RUNDC3B: variants seen among roughly 807,000 people sequenced by gnomAD.
RUNDC3B encodes the protein RUN domain containing 3B.
Under a neutral mutation model 58.4 loss-of-function variants are expected in RUNDC3B, and 33 were observed. The ratio of observed to expected loss-of-function variants is 0.56; its 90% CI spans 0.43 to 0.75. The LOEUF is 0.75. RUNDC3B is among the 30% of genes least tolerant of loss of function. The probability of loss-of-function intolerance (pLI) is 0.00; values close to 1 mark genes in which losing one functional copy is unlikely to be tolerated. For missense variants in RUNDC3B, 501 were observed against 535.7 expected (o/e 0.94, Z 0.64); for synonymous variants, 193 against 195.2 (o/e 0.99, Z 0.10).
chr7:87,811,194 C>T (rs1208611658), intron 9 of RUNDC3B, among the ~76,000 whole-genome samples: 3 of 151,896 alleles, frequency 2.0e-5, no homozygotes, highest in Non-Finnish European at 4.4e-5. Context: ...AGATCAGATT[C>T]GTTGTCATCA....
At chr7:87,762,606 A>G (rs1182142502) in intron 6 of RUNDC3B, among the ~76,000 whole-genome samples, 1 of 151,338 alleles carries the variant, frequency 6.6e-6, no homozygotes. Flanking sequence ...CTTTTGTTTA[A>G]TATTTTTCTA....
intron 10 of RUNDC3B, among the ~76,000 whole-genome samples, chr7:87,822,044 A>T (rs1328478975): frequency 6.6e-6 from 1 of 151,960 alleles, no homozygotes; most frequent in African/African-American, 2.4e-5. Flanking sequence ...GACAAATGGG[A>T]TCTAATTAAA....
chr7:87,795,392 G>C (rs1295467700), intron 8 of RUNDC3B, among the ~76,000 whole-genome samples: 1 of 152,114 alleles, frequency 6.6e-6, no homozygotes, highest in Non-Finnish European at 1.5e-5. Flanking sequence ...CAACATCACT[G>C]ATCATCAGAG....
At chr7:87,702,103 A>G (rs549919527) in intron 3 of RUNDC3B, among the ~76,000 whole-genome samples, 1 of 130,092 alleles carries the variant, frequency 7.7e-6, no homozygotes, top group Non-Finnish European at 1.6e-5. Context: ...AGATCGCGCC[A>G]CTGCACTCCA....
intron 7 of RUNDC3B, among the ~76,000 whole-genome samples, chr7:87,773,264 A>T (rs1440927776): frequency 6.7e-6 from 1 of 149,906 alleles, no homozygotes; most frequent in African/African-American, 2.5e-5. Context: ...CGGAGCTTGC[A>T]GTGAGCGGAG....
chr7:87,629,681 A>G (rs1294065165), intron 1 of RUNDC3B, among the ~76,000 whole-genome samples: 1 of 152,012 alleles, frequency 6.6e-6, no homozygotes, highest in Non-Finnish European at 1.5e-5. Flanking sequence ...TAATCCTAGC[A>G]CTTTGGGAGG....
At chr7:87,689,669 G>C (rs1344915449) in intron 2 of RUNDC3B, among the ~76,000 whole-genome samples, 1 of 152,108 alleles carries the variant, frequency 6.6e-6, no homozygotes, top group Non-Finnish European at 1.5e-5. Context: ...AGTGGACTTT[G>C]TTCATTTTAG....
intron 4 of RUNDC3B, among the ~76,000 whole-genome samples, chr7:87,726,406 A>G (rs1477525193): frequency 6.6e-6 from 1 of 152,124 alleles, no homozygotes. Context: ...GGTTGTAGAT[A>G]TGCGGCATTA....
At chr7:87,757,023 AATATAAATGTATAGC>A (rs1188004494) in intron 6 of RUNDC3B, among the ~76,000 whole-genome samples, 2 of 152,142 alleles carry the variant, frequency 1.3e-5, no homozygotes, top group Non-Finnish European at 2.9e-5. Context: ...AAATAGATAA[AATATAAATGTATAGC>A]ATAAAAAATT....
At chr7:87,693,814 G>A (rs1828231757) in intron 2 of RUNDC3B, 1 of 1,145,998 alleles carries the variant, frequency 8.7e-7, no homozygotes, top group South Asian at 1.3e-5. Context: ...ATTATATGTA[G>A]CCATCTTAGT....
At chr7:87,804,477 C>G (rs933593520) in intron 8 of RUNDC3B, among the ~76,000 whole-genome samples, 3 of 151,954 alleles carry the variant, frequency 2.0e-5, no homozygotes, top group African/African-American at 4.8e-5. Context: ...TTTTGAGAAG[C>G]CAAATTCCTA....
intron 2 of RUNDC3B, among the ~76,000 whole-genome samples, chr7:87,660,078 T>G (rs533250107): frequency 5.8e-4 from 88 of 152,272 alleles, no homozygotes; most frequent in African/African-American, 2.1e-3. Flanking sequence ...TGTGCTTTTT[T>G]GGGTTTTGTT....
intron 1 of RUNDC3B, among the ~76,000 whole-genome samples, chr7:87,635,848 A>G (rs1821714010): frequency 1.3e-5 from 2 of 152,166 alleles, no homozygotes; most frequent in African/African-American, 2.4e-5. Context: ...ATAATACAGT[A>G]TAGACCTTTT....
chr7:87,645,342 C>G (rs1290426540), intron 1 of RUNDC3B, among the ~76,000 whole-genome samples: 2 of 152,024 alleles, frequency 1.3e-5, no homozygotes, highest in African/African-American at 4.8e-5. Flanking sequence ...CCTCAGCCTC[C>G]CAAAGTGCAG....
chr7:87,711,715 A>G (rs1234961132), intron 4 of RUNDC3B, among the ~76,000 whole-genome samples: 1 of 152,176 alleles, frequency 6.6e-6, no homozygotes, highest in African/African-American at 2.4e-5. Flanking sequence ...TTAGTTTCTC[A>G]AGTGCTGTAT....
intron 6 of RUNDC3B, among the ~76,000 whole-genome samples, chr7:87,767,611 G>T (rs1362544585): frequency 1.3e-5 from 2 of 152,186 alleles, no homozygotes; most frequent in African/African-American, 4.8e-5. Flanking sequence ...TCTATCCTCA[G>T]ATTTCTTTAT....
chr7:87,658,832 G>A (rs1411633639), intron 2 of RUNDC3B, among the ~76,000 whole-genome samples: 3 of 152,112 alleles, frequency 2.0e-5, no homozygotes, highest in African/African-American at 4.8e-5. Flanking sequence ...ATGTGTTGCC[G>A]GCAGACTTAC....
chr7:87,694,674 T>C (rs1828335368), intron 2 of RUNDC3B, among the ~76,000 whole-genome samples: 1 of 152,174 alleles, frequency 6.6e-6, no homozygotes, highest in Admixed American at 6.5e-5. Context: ...CATTTATGTG[T>C]AGCTCTCTGT....
intron 2 of RUNDC3B, among the ~76,000 whole-genome samples, chr7:87,665,415 C>T (rs984681387): frequency 6.6e-6 from 1 of 152,172 alleles, no homozygotes; most frequent in East Asian, 1.9e-4. Context: ...AGTTACTAAA[C>T]ATTGATTAAA....
Sources: gnomAD v4.1 joint callset for allele counts (sites outside exome capture counted in the v4.1 genomes callset) on GRCh38, gnomAD v4.1.1 for gene constraint, MANE v1.5 for transcripts, NCBI Gene and HGNC (gene_info 2026-07-23, HGNC 2026-07-21) for gene names.